Variants in ZNF654 observed in about 807,000 individuals in gnomAD.
ZNF654 encodes the protein melanoma-associated antigen.
ZNF654 carries 19 observed loss-of-function variants against 95.3 expected under a neutral mutation model. The observed-to-expected ratio is 0.20, with a 90% confidence interval of 0.14 to 0.29. ZNF654 has a LOEUF of 0.29. Ranked by LOEUF, ZNF654 falls within the 10% of genes least tolerant of loss-of-function variation. ZNF654 has a pLI of 1.00. For synonymous variants in ZNF654, 413 were observed against 457.9 expected (o/e 0.90, Z 1.25); for missense variants, 1,046 against 1,341.0 (o/e 0.78, Z 3.44).
intron 4 of ZNF654, 140 bp downstream of exon 4, chr3:88,126,409 G>A: frequency 2.0e-6 from 2 of 1,023,290 alleles, no homozygotes; most frequent in Non-Finnish European, 2.5e-6. Flanking sequence ...CATGAAAAGT[G>A]TTTGTTTTTC....
chr3:88,079,130 C>T (rs1214529065), intron 1 of ZNF654, among the ~76,000 whole-genome samples: 3 of 152,042 alleles, frequency 2.0e-5, no homozygotes, highest in African/African-American at 7.2e-5. Flanking sequence ...TTTTTGCTGA[C>T]TCAACCTAAA....
chr3:88,135,438 T>G (rs1420392849), intron 7 of ZNF654: 1 of 296,454 alleles, frequency 3.4e-6, no homozygotes, highest in Non-Finnish European at 6.1e-6. Flanking sequence ...ACAACCTTTT[T>G]TCTTATAATT....
chr3:88,087,015 C>T (rs1187665213), intron 2 of ZNF654, among the ~76,000 whole-genome samples: 1 of 151,968 alleles, frequency 6.6e-6, no homozygotes, highest in Non-Finnish European at 1.5e-5. Flanking sequence ...ATCTCCTGAC[C>T]TCGTGATCTG....
At chr3:88,118,641 A>G (rs192486385) in intron 3 of ZNF654, among the ~76,000 whole-genome samples, 2 of 152,202 alleles carry the variant, frequency 1.3e-5, no homozygotes, top group Non-Finnish European at 2.9e-5. Flanking sequence ...GAAGGTCCTA[A>G]TCTTGGTAGT....
At chr3:88,090,149 C>T (rs1708557240) in intron 2 of ZNF654, among the ~76,000 whole-genome samples, 1 of 152,018 alleles carries the variant, frequency 6.6e-6, no homozygotes, top group Non-Finnish European at 1.5e-5. Flanking sequence ...ACCTCTTCTA[C>T]CTATTAAAAA....
At chr3:88,121,569 A>G (rs1705770002) in intron 3 of ZNF654, among the ~76,000 whole-genome samples, 2 of 152,186 alleles carry the variant, frequency 1.3e-5, no homozygotes, top group African/African-American at 2.4e-5. Context: ...GGAACCTATC[A>G]TAAAAAAAGA....
intron 2 of ZNF654, among the ~76,000 whole-genome samples, chr3:88,094,569 A>T (rs1328528406): frequency 6.6e-6 from 1 of 152,144 alleles, no homozygotes; most frequent in Non-Finnish European, 1.5e-5. Flanking sequence ...AAGGAAGGAA[A>T]GCTTGATAGT....
intron 2 of ZNF654, among the ~76,000 whole-genome samples, chr3:88,103,984 A>G (rs962433257): frequency 3.3e-5 from 5 of 150,812 alleles, no homozygotes; most frequent in Admixed American, 3.3e-4. Flanking sequence ...CTGGTCTCGA[A>G]CTCCTTACCT....
At chr3:88,132,237 GA>G (rs1045502605) in intron 6 of ZNF654, among the ~76,000 whole-genome samples, 24 of 149,316 alleles carry the variant, frequency 1.6e-4, no homozygotes, top group African/African-American at 2.7e-4. Context: ...GGTCAAGTTT[GA>G]AAAAAAAAAT....
chr3:88,122,356 A>G (rs1207000790), intron 3 of ZNF654, among the ~76,000 whole-genome samples: 1 of 152,152 alleles, frequency 6.6e-6, no homozygotes, highest in Non-Finnish European at 1.5e-5. Context: ...TTAAAGTGGT[A>G]AGACTTTCAT....
intron 1 of ZNF654, among the ~76,000 whole-genome samples, chr3:88,066,011 G>A (rs1463232044): frequency 6.6e-6 from 1 of 152,154 alleles, no homozygotes; most frequent in African/African-American, 2.4e-5. Flanking sequence ...TAGGATTACA[G>A]GCATGAGCTA....
intron 2 of ZNF654, among the ~76,000 whole-genome samples, chr3:88,104,669 A>G (rs1177142877): frequency 6.6e-6 from 1 of 152,212 alleles, no homozygotes; most frequent in Non-Finnish European, 1.5e-5. Context: ...ATATTTGTAA[A>G]CTCTAGAGTA....
intron 3 of ZNF654, among the ~76,000 whole-genome samples, chr3:88,119,531 T>TA (rs1168443205): frequency 6.6e-6 from 1 of 151,058 alleles, no homozygotes; most frequent in Non-Finnish European, 1.5e-5. Flanking sequence ...CCCTAAAACT[T>TA]AAAGTATAAT....
intron 2 of ZNF654, among the ~76,000 whole-genome samples, chr3:88,090,043 A>T (rs1576248338): frequency 6.6e-6 from 1 of 152,340 alleles, no homozygotes; most frequent in Admixed American, 6.5e-5. Context: ...AAAGTATAGC[A>T]TATAGAATTA....
intron 1 of ZNF654, among the ~76,000 whole-genome samples, chr3:88,069,845 G>A (rs1310145782): frequency 6.6e-6 from 1 of 152,186 alleles, no homozygotes; most frequent in Non-Finnish European, 1.5e-5. Context: ...TTGAAAGCAG[G>A]AGAGTATGGG....
chr3:88,108,108 G>A (rs1704855794), intron 2 of ZNF654, among the ~76,000 whole-genome samples: 1 of 151,930 alleles, frequency 6.6e-6, no homozygotes, highest in Non-Finnish European at 1.5e-5. Flanking sequence ...TACTAGCTTG[G>A]GACCAATATT....
rs776571548 is a variant in ZNF654, at chr3:88,139,823, T to A, written c.2154T>A (p.Asn718Lys). The A allele has an allele frequency of 7.0e-6, 11 of 1,565,974 alleles. No homozygotes were observed. The Admixed American group carries it at 2.1e-4, about 30-fold the overall frequency. ...ATGAAGAAGATGATTATGACCTGAATCAAGAAACTTCAGTAATTCATAAAA... is the reference window on the plus strand; with the variant it reads ...ATGAAGAAGATGATTATGACCTGAAACAAGAAACTTCAGTAATTCATAAAA... ...GDYEEDDYDL[N>K]QETSVIHKIN... is the part of the protein sequence containing the mutation. Residue 718 changes from asparagine (N) to lysine (K), a missense_variant, in exon 8 of 9, where the codon AAT becomes AAA. Asn to Lys is a moderately conservative substitution (Grantham distance 94). This residue lies in a region of ZNF654 where 495 missense variants were observed against 537.0 expected (regional missense o/e 0.92). Coordinates refer to ENST00000636215, the MANE Select transcript of ZNF654 (RefSeq NM_001350134.2).
intron 1 of ZNF654, among the ~76,000 whole-genome samples, chr3:88,078,641 A>G (rs1461866386): frequency 1.3e-5 from 2 of 152,122 alleles, no homozygotes; most frequent in East Asian, 1.9e-4. Context: ...AGCCATCACT[A>G]TGGGTTCATT....
At chr3:88,067,274 G>T (rs1329179566) in intron 1 of ZNF654, among the ~76,000 whole-genome samples, 1 of 152,192 alleles carries the variant, frequency 6.6e-6, no homozygotes, top group East Asian at 1.9e-4. Flanking sequence ...TTGGATACCT[G>T]GGCAAGTTCT....
Sources: allele counts gnomAD v4.1 joint callset (sites outside exome capture counted in the v4.1 genomes callset), GRCh38; gene constraint gnomAD v4.1.1; regional missense constraint gnomAD v4.1.1; transcripts MANE v1.5; gene names NCBI Gene and HGNC (gene_info 2026-07-23, HGNC 2026-07-21).